Variants in OPLAH observed in about 807,000 individuals in gnomAD.
OPLAH encodes 5-oxoprolinase, ATP-hydrolysing.
OPLAH carries 103 observed loss-of-function variants against 122.8 expected under a neutral mutation model. That is an observed-to-expected ratio of 0.84 (90% CI 0.71 to 0.99). OPLAH has a LOEUF of 0.99. OPLAH is among the 50% of genes least tolerant of loss of function. The probability of loss-of-function intolerance (pLI) is 0.00; values close to 1 mark genes in which losing one functional copy is unlikely to be tolerated. For missense variants in OPLAH, 1,902 were observed against 1,836.5 expected (o/e 1.04, Z -0.65); for synonymous variants, 875 against 796.0 (o/e 1.10, Z -1.67).
upstream of OPLAH, among the ~76,000 whole-genome samples, chr8:144,062,337 C>A (rs1315830086): frequency 6.6e-6 from 1 of 152,068 alleles, no homozygotes; most frequent in Non-Finnish European, 1.5e-5. Flanking sequence ...GTGGCACGTG[C>A]CTGCTGTGAT....
rs1266284323 is a variant in OPLAH, at chr8:144,052,856, A to G, written c.3063T>C (p.Phe1021=). 1 of 1,554,444 alleles carries G rather than the reference A, an allele frequency of 6.4e-7. No individual in the cohort carries two copies. Among genetic ancestry groups the G allele is most frequent in the Non-Finnish European group, 8.7e-7 (1 of 1,149,532 alleles). Residue 1021 remains phenylalanine (F), a synonymous_variant, in exon 22 of 27, where the codon TTT becomes TTC. Coordinates refer to ENST00000618853, the MANE Select transcript of OPLAH (RefSeq NM_017570.5). ...CGGCCCGCGGTGCGTTGAGATTACCAAACACCTCCGGCCCAGTGCCGCTGA... is the reference window on the plus strand; with the variant it reads ...CGGCCCGCGGTGCGTTGAGATTACCGAACACCTCCGGCCCAGTGCCGCTGA... The part of the protein sequence containing the change: ...FDFSGTGPEV[F]GNLNAPRAVT...
In OPLAH at chr8:144,053,317, C is replaced by T. The variant is rs782103109; in HGVS notation, c.2763G>A (p.Ser921=). The change falls in exon 20 of 27, where the codon TCG becomes TCA. Residue 921 remains serine (S), a synonymous_variant. Transcript: ENST00000618853. ...SGTRNLHDNL[S]DLRAQVAANQ... Reference sequence around the variant, plus strand: ...TGGCTGCCACCTGGGCACGGAGGTCCGACAGGTTGTCGTGCAGGTTTCTGG... The same window carrying T: ...TGGCTGCCACCTGGGCACGGAGGTCTGACAGGTTGTCGTGCAGGTTTCTGG... 26 of 1,612,946 alleles carry T rather than the reference C, an allele frequency of 1.6e-5. No individual in the cohort carries two copies. Among genetic ancestry groups the T allele is most frequent in the South Asian group, 8.8e-5 (8 of 91,086 alleles).
In OPLAH at chr8:144,052,565, G is replaced by A. The variant is rs782026761; in HGVS notation, c.3187C>T (p.Arg1063Ter). 6.3e-6 allele frequency: 10 copies of A among 1,596,848 alleles called. No homozygotes were observed. The African/African-American group carries it at 9.4e-5, about 15-fold the overall frequency. ...GGCGACGGGTCCAGGATGGAGCCTC[G>A]GGGAATGACCACGCGCACTGGCGCC... ...CLAPVRVVIP[R>*]GSILDPSPEA... The change falls in exon 23 of 27, where the codon CGA (arginine) becomes TGA (stop). Residue 1063 changes from arginine to a stop codon, truncating the protein, a stop_gained. Coordinates refer to ENST00000618853, the MANE Select transcript of OPLAH (RefSeq NM_017570.5). LOFTEE classifies it high-confidence loss of function.
chr8:144,050,497 G>A (rs1835348343), downstream of OPLAH: 1 of 985,450 alleles, frequency 1.0e-6, no homozygotes, highest in African/African-American at 1.7e-5. Context: ...GCGGAGCCAG[G>A]AGGCCCGGCC....
chr8:144,052,287 C>T lies in OPLAH; in HGVS notation c.3343G>A (p.Gly1115Ser), dbSNP rs1835400289. ...CCGCCCGCCACCGTCTCGTAGTAGCCCATGTGGGCGTTGCCCAGGGTCACG... is the reference window on the plus strand; with the variant it reads ...CCGCCCGCCACCGTCTCGTAGTAGCTCATGTGGGCGTTGCCCAGGGTCACG... The part of the protein sequence containing the change: ...NNVTLGNAHM[G>S]YYETVAGGAG... Residue 1115 changes from glycine (G) to serine (S), a missense_variant, in exon 24 of 27, where the codon GGC (glycine) becomes AGC (serine). By Grantham distance (56) the Gly-to-Ser change is moderately conservative. Transcript: ENST00000618853. 3.3e-6 allele frequency: 5 copies of T among 1,533,752 alleles called. No individual in the cohort carries two copies. The highest frequency in any genetic ancestry group is 3.5e-6 in the Non-Finnish European group (4 of 1,145,108).
rs1468948633 is a variant in OPLAH, at chr8:144,060,006, G to C, written c.27C>G (p.His9Gln). The C allele has an allele frequency of 3.1e-6, 5 of 1,612,522 alleles. No homozygotes were observed. Among genetic ancestry groups the C allele is most frequent in the South Asian group, 1.1e-5 (1 of 91,082 alleles). The change falls in exon 2 of 27, where the codon CAC becomes CAG. Residue 9 changes from histidine (H) to glutamine (Q), a missense_variant. Transcript: ENST00000618853. MGSPEGRF[H>Q]FAIDRGGTFT... The stretch of plus-strand genomic sequence containing the variant: ...AGGTACCCCCACGGTCGATGGCAAA[G>C]TGGAAGCGGCCCTCGGGGCTGCCCA...
rs1037946347 is a variant in OPLAH, at chr8:144,058,844, C to T, written c.516G>A (p.Leu172=). ...ATAGCAGCCCCTCCAGCTTCCCACG[C>T]AGGGCCCCCAGGTCCACAGGCTGCT... ...EVQQPVDLGA[L]RGKLEGLLSR... is the part of the protein sequence containing the mutation. Residue 172 remains leucine (L), a synonymous_variant, in exon 5 of 27, where the codon CTG becomes CTA. Transcript: ENST00000618853. 30 of 1,576,714 alleles carry T rather than the reference C, an allele frequency of 1.9e-5. No individual in the cohort carries two copies. The East Asian group carries it at 7.1e-4, about 37-fold the overall frequency.
Position 144,057,635 on chromosome 8 carries a change from G to T in OPLAH, c.1235C>A (p.Pro412Gln), listed in dbSNP as rs369654053. 1.9e-6 allele frequency: 3 copies of T among 1,602,650 alleles called. No homozygotes were observed. Among genetic ancestry groups the T allele is most frequent in the Non-Finnish European group, 2.6e-6 (3 of 1,174,202 alleles). ...LPASFPCIFG[P>Q]GENQPLSPEA... ...AGGGGAAAGTGGTTGGTTCTCTCCCGGCCCAAAAATGCAGGGGAAGGAGGC... is the reference window on the plus strand; with the variant it reads ...AGGGGAAAGTGGTTGGTTCTCTCCCTGCCCAAAAATGCAGGGGAAGGAGGC... Residue 412 changes from proline to glutamine, a missense_variant, in exon 10 of 27, where the codon CCG becomes CAG. Physicochemically the swap from Pro to Gln is moderately conservative, Grantham distance 76. Transcript: ENST00000618853.
chr8:144,059,150 G>A, intron 3 of OPLAH, 71 bp from the exon 4 acceptor site: 1 of 1,252,518 alleles, frequency 8.0e-7, no homozygotes, highest in African/African-American at 1.5e-5. Flanking sequence ...GTGAGTGGGT[G>A]GTACAGGTGA....
At position 144,051,412 on chromosome 8, in the gene OPLAH, G is replaced by C. The variant is rs1273041443; in HGVS notation, c.3781C>G (p.Pro1261Ala). 1 of 1,595,222 alleles carries C rather than the reference G, an allele frequency of 6.3e-7. No homozygotes were observed. Among genetic ancestry groups the C allele is most frequent in the East Asian group, 2.3e-5 (1 of 43,354 alleles). ...GGYGDPEDPA[P>A]PPGSPPQALA... ...GCTTGCGGGGGCGACCCCGGCGGTG[G>C]GGCGGGGTCCTCCGGGTCCCCATAG... Residue 1261 changes from proline (P) to alanine (A), a missense_variant, in exon 27 of 27, where the codon CCA (proline) becomes GCA (alanine). Around this residue, in one of 3 missense-constraint regions of OPLAH, gnomAD observed 1,726 missense variants for 1,642.1 expected, o/e 1.05. Transcript: ENST00000618853.
Position 144,054,877 on chromosome 8 carries a change from C to G in OPLAH, c.2446G>C (p.Val816Leu), listed in dbSNP as rs1238232716. 13 of 1,610,554 alleles carry G rather than the reference C, an allele frequency of 8.1e-6. No homozygotes were observed. Among genetic ancestry groups the G allele is most frequent in the Admixed American group, 3.3e-5 (2 of 59,842 alleles). ...HLGADLHPGD[V>L]LLSNHPSAGG... ...GCACTGGGATGGTTGCTCAGTAGCA[C>G]GTCGCCAGGGTGGAGATCGGCCCCC... Residue 816 changes from valine (V) to leucine (L), a missense_variant, in exon 18 of 27, where the codon GTG (valine) becomes CTG (leucine). Around this residue, in one of 3 missense-constraint regions of OPLAH, gnomAD observed 1,726 missense variants for 1,642.1 expected, o/e 1.05. Transcript: ENST00000618853.
At position 144,056,465 on chromosome 8, in the gene OPLAH, G is replaced by C. The variant is rs782043072; in HGVS notation, c.1903C>G (p.Arg635Gly). Reference protein sequence around the residue: ...PERPVVVDDVRVRGTGRSGLR... With the variant: ...PERPVVVDDVGVRGTGRSGLR... ...CCACTGCGGCCGGTGCCCCGCACTC[G>C]CACATCGTCCACGACCACCGGCCGC... is the stretch of plus-strand genomic sequence containing the variant. The change falls in exon 14 of 27, where the codon CGA becomes GGA. Residue 635 changes from arginine to glycine, a missense_variant. Coordinates refer to ENST00000618853, the MANE Select transcript of OPLAH (RefSeq NM_017570.5). 3 of 1,611,266 alleles carry C rather than the reference G, an allele frequency of 1.9e-6. No individual in the cohort carries two copies. Among genetic ancestry groups the C allele is most frequent in the Non-Finnish European group, 2.5e-6 (3 of 1,179,360 alleles).
At chr8:144,054,938 G>A (rs782490255) in intron 17 of OPLAH, 25 bp from the exon 18 acceptor site, 1 of 1,538,580 alleles carries the variant, frequency 6.5e-7, no homozygotes, top group Non-Finnish European at 8.8e-7. Flanking sequence ...TGGGTGCAGA[G>A]TGGGCACAGG....
In OPLAH at chr8:144,058,879, G is replaced by T; in HGVS notation, c.481C>A (p.Leu161Met). The T allele has an allele frequency of 4.5e-6, 7 of 1,555,966 alleles. No homozygotes were observed. The highest frequency in any genetic ancestry group is 6.1e-6 in the Non-Finnish European group (7 of 1,149,772). The change falls in exon 5 of 27, where the codon CTG becomes ATG. Residue 161 changes from leucine to methionine, a missense_variant. Around this residue, in one of 3 missense-constraint regions of OPLAH, gnomAD observed 1,726 missense variants for 1,642.1 expected, o/e 1.05. Coordinates refer to ENST00000618853, the MANE Select transcript of OPLAH (RefSeq NM_017570.5). Reference sequence around the variant, plus strand: ...AGGTCCACAGGCTGCTGCACTTCCAGCAGGTCCCCCGTGCGGCCTTCCAGA... The same window carrying T: ...AGGTCCACAGGCTGCTGCACTTCCATCAGGTCCCCCGTGCGGCCTTCCAGA... ...TPVKGRTGDL[L>M]EVQQPVDLGA...
At chr8:144,059,543 G>T in intron 3 of OPLAH, 56 bp downstream of exon 3, 1 of 1,512,724 alleles carries the variant, frequency 6.6e-7, no homozygotes, top group Non-Finnish European at 9.0e-7. Context: ...CAGGGTCAAG[G>T]CATCCCTGGG....
chr8:144,051,155 C>A (rs975422805), downstream of OPLAH: 38 of 1,428,252 alleles, frequency 2.7e-5, 1 homozygote, highest in South Asian at 4.5e-4. Flanking sequence ...TGGAGGGGCT[C>A]ACGGACCACC....
At chr8:144,061,837 A>G (rs910099577), upstream of OPLAH, among the ~76,000 whole-genome samples, 3 of 152,292 alleles carry the variant, frequency 2.0e-5, no homozygotes, top group East Asian at 3.9e-4. Context: ...CCTGGCCAAC[A>G]TGGTAAAATC....
intron 10 of OPLAH, 46 bp from the exon 11 acceptor site, chr8:144,057,366 C>T: frequency 6.3e-7 from 1 of 1,582,920 alleles, no homozygotes; most frequent in Middle Eastern, 1.7e-4. Context: ...TCTACCCCAT[C>T]CAGCCCCCAG....
chr8:144,054,337 C>T (rs781964155), intron 19 of OPLAH, among the ~76,000 whole-genome samples: 2 of 152,208 alleles, frequency 1.3e-5, no homozygotes, highest in East Asian at 1.9e-4. Flanking sequence ...ACTCTCCACC[C>T]GCAAAACCAC....
Sources: gnomAD v4.1 joint callset for allele counts (sites outside exome capture counted in the v4.1 genomes callset) on GRCh38, gnomAD v4.1.1 for gene constraint, gnomAD v4.1.1 regional missense constraint, MANE v1.5 for transcripts, NCBI Gene and HGNC (gene_info 2026-07-23, HGNC 2026-07-21) for gene names.